Variants in SDK1 observed in about 807,000 individuals in gnomAD.
SDK1 encodes protein sidekick-1.
A neutral mutation model predicts 245.5 loss-of-function variants in SDK1; 157 were observed. That is an observed-to-expected ratio of 0.64 (90% CI 0.56 to 0.73). The LOEUF (loss-of-function observed/expected upper bound fraction) is 0.73, where lower values mean the gene tolerates loss of function less well. Ranked by LOEUF, SDK1 falls within the 30% of genes least tolerant of loss-of-function variation. The probability of loss-of-function intolerance (pLI) is 0.00; values close to 1 mark genes in which losing one functional copy is unlikely to be tolerated. For missense variants in SDK1, 3,583 were observed against 3,002.3 expected (o/e 1.19, Z -4.52); for synonymous variants, 1,647 against 1,278.5 (o/e 1.29, Z -6.15).
At chr7:3,827,696 C>T (rs1779811213) in intron 5 of SDK1, among the ~76,000 whole-genome samples, 1 of 152,302 alleles carries the variant, frequency 6.6e-6, no homozygotes, top group South Asian at 2.1e-4. Flanking sequence ...GGTGCAGGGC[C>T]ATGTCAGTGG....
At chr7:3,851,024 A>G (rs1170298266) in intron 5 of SDK1, among the ~76,000 whole-genome samples, 4 of 152,106 alleles carry the variant, frequency 2.6e-5, no homozygotes. Flanking sequence ...AAAAGAAGAC[A>G]CCTTTTATTA....
chr7:4,174,088 C>G (rs1403926189), intron 32 of SDK1, 134 bp from the exon 33 acceptor site: 2 of 907,020 alleles, frequency 2.2e-6, no homozygotes, highest in East Asian at 2.4e-5. Flanking sequence ...CTTGATGAAT[C>G]TGACACCTGT....
At chr7:3,338,905 G>C (rs761040537) in intron 1 of SDK1, among the ~76,000 whole-genome samples, 9 of 152,164 alleles carry the variant, frequency 5.9e-5, no homozygotes, top group Non-Finnish European at 1.0e-4. Context: ...GAAGAAAGGA[G>C]AAACAGAAGA....
intron 1 of SDK1, among the ~76,000 whole-genome samples, chr7:3,561,111 C>T (rs145165711): frequency 1.3e-5 from 2 of 152,104 alleles, no homozygotes; most frequent in Non-Finnish European, 2.9e-5. Flanking sequence ...TGCTAGATTG[C>T]AAGCTTGATG....
intron 4 of SDK1, among the ~76,000 whole-genome samples, chr7:3,645,391 C>G (rs537955769): frequency 6.6e-6 from 1 of 152,056 alleles, no homozygotes; most frequent in African/African-American, 2.4e-5. Flanking sequence ...TCGTATTTTC[C>G]ACCTCATCAT....
chr7:3,812,901 G>C (rs1779419761), intron 4 of SDK1, among the ~76,000 whole-genome samples: 2 of 152,156 alleles, frequency 1.3e-5, no homozygotes, highest in South Asian at 2.1e-4. Context: ...AGTGGTTTCT[G>C]TTGGTTTGAA....
intron 1 of SDK1, among the ~76,000 whole-genome samples, chr7:3,501,832 T>C (rs1032161328): frequency 1.1e-4 from 17 of 152,210 alleles, no homozygotes; most frequent in African/African-American, 4.1e-4. Context: ...CAAATATTTA[T>C]TACTCTTGAT....
At chr7:3,695,472 C>G (rs987814537) in intron 4 of SDK1, among the ~76,000 whole-genome samples, 6 of 152,064 alleles carry the variant, frequency 3.9e-5, no homozygotes, top group Non-Finnish European at 7.4e-5. Context: ...TTATGGAGTT[C>G]CTACTTGATA....
chr7:4,012,248 T>C lies in SDK1; in HGVS notation c.2420+13T>C, dbSNP rs374309294. 16 of 1,476,812 alleles carry C rather than the reference T, an allele frequency of 1.1e-5. No homozygotes were observed. The East Asian group carries it at 2.6e-4, about 24-fold the overall frequency. 91.5% of individuals were successfully genotyped at this position (1,476,812 alleles called of 1,614,324 possible). On this transcript the variant is annotated intron_variant, in intron 16 of 44. Coordinates refer to ENST00000404826, the MANE Select transcript of SDK1 (RefSeq NM_152744.4). ...GATACATCCTCAGGCAAGTGCCCTG[T>C]GATTGGCCATCTTTAGGCCGCCATT... is the stretch of plus-strand genomic sequence containing the variant.
At chr7:3,826,992 C>G (rs907033105) in intron 5 of SDK1, among the ~76,000 whole-genome samples, 5 of 152,168 alleles carry the variant, frequency 3.3e-5, no homozygotes, top group African/African-American at 1.2e-4. Flanking sequence ...CGGATGGTTT[C>G]TATTGCCCAC....
intron 38 of SDK1, among the ~76,000 whole-genome samples, chr7:4,219,288 C>G (rs958459538): frequency 6.6e-6 from 1 of 152,308 alleles, no homozygotes; most frequent in Admixed American, 6.5e-5. Flanking sequence ...GAGTATCTTC[C>G]TACATCTTGT....
intron 4 of SDK1, among the ~76,000 whole-genome samples, chr7:3,812,003 A>G (rs950523501): frequency 6.6e-6 from 1 of 152,136 alleles, no homozygotes; most frequent in Non-Finnish European, 1.5e-5. Context: ...AAATGAACAG[A>G]CTGGCTTCAC....
intron 1 of SDK1, among the ~76,000 whole-genome samples, chr7:3,496,504 C>G (rs1782031363): frequency 6.7e-6 from 1 of 148,160 alleles, no homozygotes; most frequent in East Asian, 2.0e-4. Flanking sequence ...TGTACTTTAT[C>G]TTATTTTGCT....
rs184414264 is a variant in SDK1 at position 3,352,435 on chromosome 7, A to T, written c.298+50551A>T. Among the ~76,000 whole-genome samples, 155 of 152,258 alleles carry T rather than the reference A, an allele frequency of 1.0e-3. No homozygotes were observed. In the Middle Eastern group the frequency reaches 0.017, roughly 17 times the overall value. ...GTAGCAGGGAGGGTGTGCCACGACG[A>T]GAGATCTGTGGATTTACTGAAAACA... On this transcript the variant is annotated intron_variant, in intron 1 of 44. Coordinates refer to ENST00000404826, the MANE Select transcript of SDK1 (RefSeq NM_152744.4).
intron 4 of SDK1, among the ~76,000 whole-genome samples, chr7:3,712,265 G>T (rs184928579): frequency 3.9e-5 from 6 of 152,068 alleles, no homozygotes; most frequent in African/African-American, 1.4e-4. Context: ...TCATAGGACC[G>T]TGAACCTTAT....
At position 4,130,883 on chromosome 7, in the gene SDK1, G is replaced by C. The variant is rs923116757; in HGVS notation, c.4129+786G>C. 2.0e-5 allele frequency among the ~76,000 whole-genome samples: 3 copies of C among 152,124 alleles called. No homozygotes were observed. In the South Asian group the frequency reaches 6.2e-4, roughly 32 times the overall value. ...GGCTGAAGAAGTGAAACACCTGTAG[G>C]TTTTCTTAAGCATCTTTGCTGAGTA... On this transcript the variant is annotated intron_variant, in intron 27 of 44. Transcript: ENST00000404826.
At chr7:3,907,812 C>G (rs1353195500) in intron 5 of SDK1, among the ~76,000 whole-genome samples, 1 of 152,198 alleles carries the variant, frequency 6.6e-6, no homozygotes, top group Non-Finnish European at 1.5e-5. Context: ...CTGCTTAGTC[C>G]TAGAACTGCC....
At chr7:4,085,802 G>A (rs756235618) in intron 22 of SDK1, among the ~76,000 whole-genome samples, 27 of 152,124 alleles carry the variant, frequency 1.8e-4, no homozygotes, top group African/African-American at 6.3e-4. Context: ...TGATCCGCCC[G>A]CCTCAGCCTC....
At chr7:3,338,445 T>C (rs1052372237) in intron 1 of SDK1, 3 of 521,164 alleles carry the variant, frequency 5.8e-6, no homozygotes, top group South Asian at 3.1e-5. Flanking sequence ...TCCTGAAACA[T>C]GTGAAGGAAA....
Sources: gnomAD v4.1 joint callset for allele counts (sites outside exome capture counted in the v4.1 genomes callset) on GRCh38, gnomAD v4.1.1 for gene constraint, MANE v1.5 for transcripts, NCBI Gene and HGNC (gene_info 2026-07-23, HGNC 2026-07-21) for gene names.